Variants in DNAH14 observed in about 807,000 individuals in gnomAD.
DNAH14 encodes the protein axonemal beta dynein heavy chain 14.
A neutral mutation model predicts 520.9 loss-of-function variants in DNAH14; 478 were observed. The observed-to-expected ratio is 0.92, with a 90% confidence interval of 0.85 to 0.99. DNAH14 has a LOEUF of 0.99. DNAH14 is among the 50% of genes least tolerant of loss of function. The probability of loss-of-function intolerance (pLI) is 0.00; values close to 1 mark genes in which losing one functional copy is unlikely to be tolerated. For synonymous variants in DNAH14, 1,581 were observed against 1,757.2 expected, an observed-to-expected ratio of 0.90 and a Z score of 2.51; for missense variants, 4,831 against 5,234.5, an observed-to-expected ratio of 0.92 and a Z score of 2.38.
intron 20 of DNAH14, among the ~76,000 whole-genome samples, chr1:225,083,659 A>T (rs183484017): frequency 1.1e-3 from 171 of 152,260 alleles, no homozygotes; most frequent in African/African-American, 4.0e-3. Flanking sequence ...TACACTAAAA[A>T]TCATGAAATA....
At chr1:225,057,605 C>T (rs2069313799) in intron 17 of DNAH14, among the ~76,000 whole-genome samples, 1 of 152,140 alleles carries the variant, frequency 6.6e-6, no homozygotes, top group Non-Finnish European at 1.5e-5. Context: ...CTGTCTTGTG[C>T]CAGTTTTCAA....
intron 60 of DNAH14, among the ~76,000 whole-genome samples, chr1:225,310,910 G>A (rs904513173): frequency 3.9e-5 from 6 of 152,110 alleles, no homozygotes; most frequent in African/African-American, 1.2e-4. Flanking sequence ...ATAAACATAC[G>A]TGTGCATGTG....
At chr1:225,060,136 C>A (rs892461483) in intron 17 of DNAH14, among the ~76,000 whole-genome samples, 1 of 152,218 alleles carries the variant, frequency 6.6e-6, no homozygotes, top group African/African-American at 2.4e-5. Flanking sequence ...GACTTGGTTC[C>A]ATTCTCCCTG....
At chr1:225,073,970 C>T (rs566571919) in intron 17 of DNAH14, among the ~76,000 whole-genome samples, 10 of 149,292 alleles carry the variant, frequency 6.7e-5, no homozygotes, top group African/African-American at 1.2e-4. Flanking sequence ...CATGAGCCAC[C>T]GCACTCAGCT....
chr1:225,318,436 T>C (rs767741739), intron 60 of DNAH14, 147 bp from the exon 61 acceptor site: 3 of 664,728 alleles, frequency 4.5e-6, no homozygotes, highest in Non-Finnish European at 7.5e-6. Flanking sequence ...TACAAGCATG[T>C]GTGCACATAT....
chr1:225,011,458 G>A (rs903157088), intron 10 of DNAH14, among the ~76,000 whole-genome samples: 22 of 151,576 alleles, frequency 1.5e-4, no homozygotes, highest in African/African-American at 5.3e-4. Context: ...AGGTTTGCTT[G>A]GTCCAGAGCT....
intron 66 of DNAH14, among the ~76,000 whole-genome samples, chr1:225,334,689 C>T (rs2094875347): frequency 6.6e-6 from 1 of 151,928 alleles, no homozygotes; most frequent in East Asian, 1.9e-4. Context: ...GTAGTAATTG[C>T]AATGACAGAT....
rs746318504 is a variant in DNAH14 at position 224,929,684 on chromosome 1, T to C, written c.-185T>C. ...GCAGGCGTGGCTCTTGGTCAGGCGGTTACGGCCAGGAGGCGTCGGAGCCTG... is the reference window on the plus strand; with the variant it reads ...GCAGGCGTGGCTCTTGGTCAGGCGGCTACGGCCAGGAGGCGTCGGAGCCTG... On this transcript the variant is annotated 5_prime_UTR_variant, in exon 1 of 86. Coordinates refer to ENST00000682510, the MANE Select transcript of DNAH14 (RefSeq NM_001367479.1). The C allele has an allele frequency of 1.3e-5, 9 of 702,320 alleles. No individual in the cohort carries two copies. Among genetic ancestry groups the C allele is most frequent in the Admixed American group, 4.0e-5 (2 of 50,004 alleles). 43.5% of individuals were successfully genotyped at this position (702,320 alleles called of 1,614,324 possible).
chr1:225,057,691 G>T (rs1490800960), intron 17 of DNAH14, among the ~76,000 whole-genome samples: 1 of 152,188 alleles, frequency 6.6e-6, no homozygotes, highest in African/African-American at 2.4e-5. Flanking sequence ...TTGTTATTTT[G>T]AGATATGTCC....
At chr1:225,031,945 C>T (rs2148114175) in intron 11 of DNAH14, among the ~76,000 whole-genome samples, 1 of 152,066 alleles carries the variant, frequency 6.6e-6, no homozygotes, top group Admixed American at 6.6e-5. Context: ...TGCAGTAATG[C>T]TGGGAAAGAG....
intron 8 of DNAH14, among the ~76,000 whole-genome samples, chr1:225,000,367 T>C (rs1302617032): frequency 6.6e-6 from 1 of 152,144 alleles, no homozygotes; most frequent in East Asian, 1.9e-4. Context: ...TGGATTATTT[T>C]GTCTTTATTC....
intron 8 of DNAH14, among the ~76,000 whole-genome samples, chr1:224,976,258 T>G (rs2061832960): frequency 1.3e-5 from 2 of 152,170 alleles, no homozygotes; most frequent in South Asian, 4.1e-4. Flanking sequence ...GGTGTAGAGC[T>G]GAGTTCAATT....
At chr1:225,138,939 C>T (rs2079196118) in intron 27 of DNAH14, among the ~76,000 whole-genome samples, 1 of 152,148 alleles carries the variant, frequency 6.6e-6, no homozygotes, top group Admixed American at 6.5e-5. Context: ...TGGACTGCAG[C>T]TGCTTCTAAT....
chr1:225,368,422 T>C (rs1200255977), intron 77 of DNAH14, among the ~76,000 whole-genome samples: 2 of 152,210 alleles, frequency 1.3e-5, no homozygotes, highest in East Asian at 3.8e-4. Flanking sequence ...TAACTTAGTA[T>C]AAAAATGTTT....
At chr1:225,335,435 ATGTGTGTG>A in intron 66 of DNAH14, among the ~76,000 whole-genome samples, 1 of 87,510 alleles carries the variant, frequency 1.1e-5, no homozygotes, top group African/African-American at 6.8e-5. Context: ...ACGTGTGTAC[ATGTGTGTG>A]TATGCACATA....
At chr1:224,994,421 T>G (rs1250426285) in intron 8 of DNAH14, among the ~76,000 whole-genome samples, 1 of 152,044 alleles carries the variant, frequency 6.6e-6, no homozygotes, top group African/African-American at 2.4e-5. Context: ...TATCATTATT[T>G]AATGTCATTT....
chr1:225,323,449 TTTG>T (rs147978513), intron 62 of DNAH14, among the ~76,000 whole-genome samples: 16,885 of 152,070 alleles, frequency 0.11, 1,102 homozygotes, highest in East Asian at 0.25. Flanking sequence ...GATACTAGGT[TTTG>T]TTGTTGTTTT....
chr1:225,160,239 T>C (rs2081389091), intron 35 of DNAH14, among the ~76,000 whole-genome samples: 1 of 152,208 alleles, frequency 6.6e-6, no homozygotes, highest in Non-Finnish European at 1.5e-5. Context: ...TTCTCTGACT[T>C]TTCCAGGATT....
At chr1:225,096,285 A>G (rs1220508987) in intron 21 of DNAH14, among the ~76,000 whole-genome samples, 5 of 152,128 alleles carry the variant, frequency 3.3e-5, no homozygotes. Flanking sequence ...CCTGGCCAAA[A>G]TTGTATAATT....
Sources: allele counts gnomAD v4.1 joint callset (sites outside exome capture counted in the v4.1 genomes callset), GRCh38; gene constraint gnomAD v4.1.1; transcripts MANE v1.5; gene names NCBI Gene and HGNC (gene_info 2026-07-23, HGNC 2026-07-21).